Variants in SHC4 observed in about 807,000 individuals in gnomAD.
SHC4 encodes SHC-transforming protein 4.
In SHC4, 41 loss-of-function variants were observed where a neutral mutation model predicts 69.4. The ratio of observed to expected loss-of-function variants is 0.59; its 90% CI spans 0.46 to 0.77. The LOEUF is 0.77. Among genes scored for constraint, SHC4 ranks in the 30% least tolerant of loss-of-function variants. The pLI is 0.00. For synonymous variants in SHC4, 318 were observed against 299.3 expected, an observed-to-expected ratio of 1.06 and a Z score of -0.64; for missense variants, 777 against 783.8, an observed-to-expected ratio of 0.99 and a Z score of 0.10.
chr15:48,831,166 T>G (rs1898792721), intron 11 of SHC4, among the ~76,000 whole-genome samples: 1 of 152,132 alleles, frequency 6.6e-6, no homozygotes, highest in African/African-American at 2.4e-5. Context: ...TAAGTGTTAT[T>G]ACAAAAAAGT....
rs1305279595 is a variant in SHC4 at position 48,843,506 on chromosome 15, G to T, written c.1386C>A (p.Asp462Glu). ...KHTCRVDLFD[D>E]PCYINTQALQ... ...GAGCCTGTGTATTAATGTAGCAGGG[G>T]TCATCAAAGAGATCCACTCGGCACG... is the stretch of plus-strand genomic sequence containing the variant. Residue 462 changes from aspartate to glutamate, a missense_variant, in exon 10 of 12, where the codon GAC becomes GAA. Physicochemically the swap from Asp to Glu is conservative, Grantham distance 45. Transcript: ENST00000332408. 1.9e-6 allele frequency: 3 copies of T among 1,614,128 alleles called. No individual in the cohort carries two copies. Among genetic ancestry groups the T allele is most frequent in the Admixed American group, 3.3e-5 (2 of 60,020 alleles).
At chr15:48,848,279 G>C (rs1282390239) in intron 9 of SHC4, among the ~76,000 whole-genome samples, 1 of 152,078 alleles carries the variant, frequency 6.6e-6, no homozygotes, top group Non-Finnish European at 1.5e-5. Flanking sequence ...ACTCAGAAAT[G>C]GCTTTTTTAT....
At chr15:48,953,623 C>A (rs1901399623) in intron 1 of SHC4, among the ~76,000 whole-genome samples, 1 of 152,120 alleles carries the variant, frequency 6.6e-6, no homozygotes, top group Admixed American at 6.5e-5. Context: ...CAGAGCTCAA[C>A]AAATCATAGC....
At chr15:48,914,950 T>C (rs1239791124) in intron 2 of SHC4, among the ~76,000 whole-genome samples, 1 of 152,166 alleles carries the variant, frequency 6.6e-6, no homozygotes, top group African/African-American at 2.4e-5. Flanking sequence ...CTACTTCCTG[T>C]CTTTGGATTT....
chr15:48,940,564 T>C (rs1272991289), intron 1 of SHC4, among the ~76,000 whole-genome samples: 1 of 152,208 alleles, frequency 6.6e-6, no homozygotes, highest in African/African-American at 2.4e-5. Flanking sequence ...GACTCAGCAG[T>C]GTCAAAGGCC....
At chr15:48,876,416 G>C in intron 4 of SHC4, 1 of 374,496 alleles carries the variant, frequency 2.7e-6, no homozygotes, top group Non-Finnish European at 4.7e-6. Flanking sequence ...TGGTTCTCTA[G>C]AAGCACAGAA....
At chr15:48,896,602 G>A (rs1248718870) in intron 2 of SHC4, among the ~76,000 whole-genome samples, 1 of 152,128 alleles carries the variant, frequency 6.6e-6, no homozygotes, top group Non-Finnish European at 1.5e-5. Flanking sequence ...TTACAGACAT[G>A]AGCCACCGCG....
chr15:48,962,971 A>C lies in SHC4; in HGVS notation c.45T>G (p.Tyr15Ter). The change falls in exon 1 of 12, where the codon TAT becomes TAG. Residue 15 changes from tyrosine to a stop codon, truncating the protein, a stop_gained. Coordinates refer to ENST00000332408, the MANE Select transcript of SHC4 (RefSeq NM_203349.4). LOFTEE classifies it high-confidence loss of function. Reference sequence around the variant, plus strand: ...TCCCGGGGTGCCCGAAGAGTCCTACATACAGCACGAGTCCTGCCAGGCTGT... The same window carrying C: ...TCCCGGGGTGCCCGAAGAGTCCTACCTACAGCACGAGTCCTGCCAGGCTGT... ...GQDSLAGLVL[Y>*]VGLFGHPGML... The C allele has an allele frequency of 6.2e-7, 1 of 1,612,788 alleles. No homozygotes were observed. Among genetic ancestry groups the C allele is most frequent in the Non-Finnish European group, 8.5e-7 (1 of 1,179,832 alleles).
At chr15:48,922,389 C>A (rs796453058) in intron 2 of SHC4, among the ~76,000 whole-genome samples, 74 of 152,288 alleles carry the variant, frequency 4.9e-4, no homozygotes, top group African/African-American at 1.7e-3. Context: ...TAACAAAATA[C>A]CCCAGACTGG....
rs577710634 is a variant in SHC4 at position 48,886,944 on chromosome 15, A to AC, written c.721-2578dup. ...GCAGGCCTGGCAGAGGTGCTTATCC[A>AC]CATTTTACAAACGAGAAAAGTATTA... On this transcript the variant is annotated intron_variant, in intron 3 of 11. Coordinates refer to ENST00000332408, the MANE Select transcript of SHC4 (RefSeq NM_203349.4). Among the ~76,000 whole-genome samples the AC allele has an allele frequency of 1.4e-4, 22 of 152,316 alleles. 1 individual carries two copies. The East Asian group carries it at 3.9e-3, about 27-fold the overall frequency.
At chr15:48,831,084 G>C (rs910224836) in intron 11 of SHC4, among the ~76,000 whole-genome samples, 5 of 151,630 alleles carry the variant, frequency 3.3e-5, no homozygotes, top group Non-Finnish European at 7.4e-5. Context: ...TTTAAAATAG[G>C]AAAAACCATA....
At chr15:48,960,433 C>T (rs542501145) in intron 1 of SHC4, among the ~76,000 whole-genome samples, 2 of 152,252 alleles carry the variant, frequency 1.3e-5, no homozygotes, top group South Asian at 4.1e-4. Context: ...TGAGAATATG[C>T]CCATGAACTT....
At chr15:48,951,322 T>C (rs922618864) in intron 1 of SHC4, among the ~76,000 whole-genome samples, 3 of 151,882 alleles carry the variant, frequency 2.0e-5, no homozygotes, top group African/African-American at 7.3e-5. Flanking sequence ...CTCCCTTAGG[T>C]GTCCCATCTT....
chr15:48,949,564 G>A (rs1024215475), intron 1 of SHC4, among the ~76,000 whole-genome samples: 6 of 151,900 alleles, frequency 3.9e-5, no homozygotes, highest in East Asian at 1.9e-4. Context: ...GTTTGGCAGC[G>A]CAAATCCTCA....
At chr15:48,910,890 G>T (rs921843873) in intron 2 of SHC4, among the ~76,000 whole-genome samples, 3 of 152,076 alleles carry the variant, frequency 2.0e-5, no homozygotes, top group Non-Finnish European at 4.4e-5. Context: ...GTTCCTTTTG[G>T]AGTTGATTTC....
At chr15:48,934,877 A>G (rs1259874127) in intron 1 of SHC4, among the ~76,000 whole-genome samples, 1 of 152,214 alleles carries the variant, frequency 6.6e-6, no homozygotes, top group Non-Finnish European at 1.5e-5. Context: ...TTTATGTGAA[A>G]TGTCCAGAAT....
rs1266075963 is a variant in SHC4 at position 48,909,562 on chromosome 15, A to T, written c.656+15317T>A. ...GCTGTTTATTTCTTTCTCTTGTCTG[A>T]TTGCTCCGGCTAGGACTTCCACTAC... On this transcript the variant is annotated intron_variant, in intron 2 of 11. Coordinates refer to ENST00000332408, the MANE Select transcript of SHC4 (RefSeq NM_203349.4). 2.0e-5 allele frequency among the ~76,000 whole-genome samples: 3 copies of T among 152,002 alleles called. No individual in the cohort carries two copies. The East Asian group carries it at 5.8e-4, about 29-fold the overall frequency.
intron 6 of SHC4, among the ~76,000 whole-genome samples, chr15:48,864,743 G>A (rs1164172555): frequency 6.6e-6 from 1 of 151,982 alleles, no homozygotes; most frequent in African/African-American, 2.4e-5. Flanking sequence ...CACCGCGCCC[G>A]GCCTCCAATA....
chr15:48,956,284 T>A (rs901592588), intron 1 of SHC4, among the ~76,000 whole-genome samples: 3 of 152,198 alleles, frequency 2.0e-5, no homozygotes, highest in Non-Finnish European at 4.4e-5. Context: ...TTCTTTGCTG[T>A]GGGTACCTGA....
Sources: allele counts gnomAD v4.1 joint callset (sites outside exome capture counted in the v4.1 genomes callset), GRCh38; gene constraint gnomAD v4.1.1; transcripts MANE v1.5; gene names NCBI Gene and HGNC (gene_info 2026-07-23, HGNC 2026-07-21).